Variants in ZNF469 observed in about 807,000 individuals in gnomAD.
ZNF469 encodes zinc finger protein 469.
ZNF469 carries 1 observed loss-of-function variant against 1.0 expected under a neutral mutation model. That is an observed-to-expected ratio of 1.00 (90% CI 0.35 to 4.73). The LOEUF is 4.73. Among genes scored for constraint, ZNF469 ranks in the 30% most tolerant of loss-of-function variants. The pLI is 0.16. For synonymous variants in ZNF469, 2,703 were observed against 2,363.4 expected, an observed-to-expected ratio of 1.14 and a Z score of -4.17; for missense variants, 6,100 against 5,356.3, an observed-to-expected ratio of 1.14 and a Z score of -4.33.
At chr16:88,335,274 C>T in the ZNF469 span, among the ~76,000 whole-genome samples, 1 of 152,226 alleles carries the variant, frequency 6.6e-6, no homozygotes, top group East Asian at 1.9e-4. Context: ...CACCCCAAAA[C>T]TCAGAGCTTA....
the ZNF469 span, among the ~76,000 whole-genome samples, chr16:88,240,515 G>A: frequency 6.6e-6 from 1 of 152,168 alleles, no homozygotes; most frequent in South Asian, 2.1e-4. Flanking sequence ...CCAGGTGCAA[G>A]AATTGAAAAG....
chr16:88,134,609 G>A, the ZNF469 span, among the ~76,000 whole-genome samples: 93 of 152,320 alleles, frequency 6.1e-4, 1 homozygote, highest in Middle Eastern at 3.4e-3. Context: ...AAAGCCAGGC[G>A]GATGTCCAAG....
the ZNF469 span, among the ~76,000 whole-genome samples, chr16:88,265,298 G>T: frequency 6.6e-6 from 1 of 152,344 alleles, no homozygotes; most frequent in Non-Finnish European, 1.5e-5. Context: ...GGGGTGTGGA[G>T]GCAGGAGGCC....
chr16:88,178,144 GAGCA>G, the ZNF469 span: 1 of 152,194 alleles, frequency 6.6e-6, no homozygotes, highest in Non-Finnish European at 1.5e-5. Context: ...AAACTGCTGA[GAGCA>G]GGCCATGGCC....
chr16:88,436,891 C>T lies in ZNF469; in HGVS notation c.9421C>T (p.Pro3141Ser), dbSNP rs1239885035. ...DLHKLAHTPAPPPTCYMCVER... is the reference protein window; with the variant it reads ...DLHKLAHTPASPPTCYMCVER... ...GCACAAGCTGGCCCACACGCCCGCGCCGCCGCCCACCTGCTACATGTGCGT... is the reference window on the plus strand; with the variant it reads ...GCACAAGCTGGCCCACACGCCCGCGTCGCCGCCCACCTGCTACATGTGCGT... The change falls in exon 3 of 3, where the codon CCG (proline) becomes TCG (serine). Residue 3141 changes from proline (P) to serine (S), a missense_variant. Physicochemically the swap from Pro to Ser is moderately conservative, Grantham distance 74. Transcript: ENST00000565624. 10 of 1,503,358 alleles carry T rather than the reference C, an allele frequency of 6.7e-6. No individual in the cohort carries two copies. The highest frequency in any genetic ancestry group is 1.4e-5 in the African/African-American group (1 of 71,814). 93.1% of individuals were successfully genotyped at this position (1,503,358 alleles called of 1,614,324 possible).
chr16:88,378,165 G>A (rs922419850), upstream of ZNF469, among the ~76,000 whole-genome samples: 16 of 152,104 alleles, frequency 1.1e-4, no homozygotes, highest in Admixed American at 3.3e-4. Flanking sequence ...ACAGGTGGGC[G>A]CCATGATGTC....
chr16:88,364,969 A>C, the ZNF469 span, among the ~76,000 whole-genome samples: 1 of 152,208 alleles, frequency 6.6e-6, no homozygotes, highest in Non-Finnish European at 1.5e-5. Flanking sequence ...CATCTCAAAA[A>C]TAAATAAATA....
chr16:88,367,350 G>A, the ZNF469 span, among the ~76,000 whole-genome samples: 1 of 152,182 alleles, frequency 6.6e-6, no homozygotes, highest in Admixed American at 6.5e-5. Flanking sequence ...GGAACAAGAG[G>A]GGTTAAGCTC....
At chr16:88,386,905 C>T (rs1292162720) in intron 1 of ZNF469, among the ~76,000 whole-genome samples, 1 of 152,202 alleles carries the variant, frequency 6.6e-6, no homozygotes, top group Non-Finnish European at 1.5e-5. Flanking sequence ...CCGTGCTCAT[C>T]ATTTGCCAGT....
At chr16:88,156,215 T>C in the ZNF469 span, among the ~76,000 whole-genome samples, 1 of 152,250 alleles carries the variant, frequency 6.6e-6, no homozygotes, top group Non-Finnish European at 1.5e-5. Context: ...TTCTTGATGA[T>C]ATCTTTTGCA....
upstream of ZNF469, among the ~76,000 whole-genome samples, chr16:88,379,156 C>T (rs1213008240): frequency 6.6e-6 from 1 of 152,076 alleles, no homozygotes; most frequent in Admixed American, 6.5e-5. Flanking sequence ...GCTGGCCCTC[C>T]TGACCGTCTA....
the ZNF469 span, among the ~76,000 whole-genome samples, chr16:88,213,489 A>T: frequency 6.6e-6 from 1 of 152,232 alleles, no homozygotes; most frequent in African/African-American, 2.4e-5. Flanking sequence ...GGAGTTGTTT[A>T]CAAGATTTCA....
chr16:88,303,588 G>A, the ZNF469 span, among the ~76,000 whole-genome samples: 1 of 152,210 alleles, frequency 6.6e-6, no homozygotes, highest in Non-Finnish European at 1.5e-5. Flanking sequence ...CAGAGTTGGA[G>A]AAGCCCTCCC....
chr16:88,158,808 G>A, the ZNF469 span, among the ~76,000 whole-genome samples: 1 of 152,286 alleles, frequency 6.6e-6, no homozygotes, highest in East Asian at 1.9e-4. Flanking sequence ...GGTCTGGGGG[G>A]CACCGGGCAG....
At chr16:88,118,880 C>T in the ZNF469 span, among the ~76,000 whole-genome samples, 2 of 152,262 alleles carry the variant, frequency 1.3e-5, no homozygotes, top group African/African-American at 2.4e-5. Context: ...AAATAGATGC[C>T]GAGCTGCTTT....
At chr16:88,153,094 C>T in the ZNF469 span, among the ~76,000 whole-genome samples, 3 of 152,202 alleles carry the variant, frequency 2.0e-5, no homozygotes, top group African/African-American at 7.2e-5. Flanking sequence ...ACTCCTGCTG[C>T]CCCGGGCAGG....
chr16:88,215,398 TTTTTTTTTGAGACAGAGTCTCACTC>T, the ZNF469 span, among the ~76,000 whole-genome samples: 1 of 137,236 alleles, frequency 7.3e-6, no homozygotes, highest in Admixed American at 7.3e-5. Flanking sequence ...TTTTTTTTTT[TTTTTTTTTGAGACAGAGTCTCACTC>T]TTGTCACCCA....
At chr16:88,296,458 C>T in the ZNF469 span, among the ~76,000 whole-genome samples, 1 of 81,464 alleles carries the variant, frequency 1.2e-5, no homozygotes, top group Non-Finnish European at 3.1e-5. Context: ...GCTCACCCTC[C>T]CCCCCACACA....
At chr16:88,422,839 G>GTGGA (rs202049973) in intron 1 of ZNF469, among the ~76,000 whole-genome samples, 66 of 147,536 alleles carry the variant, frequency 4.5e-4, no homozygotes, top group African/African-American at 1.5e-3. Flanking sequence ...TGATGGATGG[G>GTGGA]TGGATGGATG....
Sources: allele counts gnomAD v4.1 joint callset (sites outside exome capture counted in the v4.1 genomes callset), GRCh38; gene constraint gnomAD v4.1.1; transcripts MANE v1.5; gene names NCBI Gene and HGNC (gene_info 2026-07-23, HGNC 2026-07-21).